The following TTN variants were observed in gnomAD, a reference collection of about 807,000 sequenced individuals.
The protein encoded by TTN is connectin.
Under a neutral mutation model 3,223.0 loss-of-function variants are expected in TTN, and 1,525 were observed. The observed-to-expected ratio is 0.47, with a 90% CI of 0.45 to 0.49. The LOEUF is 0.49. TTN is among the 20% of genes least tolerant of loss of function. TTN has a pLI of 0.00. For missense variants in TTN, 40,786 were observed against 43,424.0 expected (o/e 0.94, Z 5.40); for synonymous variants, 14,094 against 15,161.0 (o/e 0.93, Z 5.17).
rs73036398 is a variant in TTN at position 178,607,870 on chromosome 2, A to G, written c.52917T>C (p.Asp17639=). 7,293 of 1,612,964 alleles carry G rather than the reference A, an allele frequency of 4.5e-3. 227 individuals carry two copies. In the African/African-American group the frequency reaches 0.073, roughly 16 times the overall value. The change falls in exon 276 of 363, where the codon GAT becomes GAC. Residue 17639 remains aspartate, a synonymous_variant. Coordinates refer to ENST00000589042, the MANE Select transcript of TTN (RefSeq NM_001267550.2). ...YTVKEIREGA[D]YKLRVSAVNA... is the part of the protein sequence containing the mutation. ...TGACAGCACTCACCCGAAGTTTGTA[A>G]TCAGCACCCTCTCGGATTTCTTTGA...
rs770569025 is a variant in TTN, at chr2:178,584,299, T to A, written c.65252A>T (p.Tyr21751Phe). ...GSSPPSKPTEYVTARMPVDPP... is the reference protein window; with the variant it reads ...GSSPPSKPTEFVTARMPVDPP... The stretch of plus-strand genomic sequence containing the variant: ...ACCAACTGGCATTCTTGCAGTTACA[T>A]ATTCTGTGGGTTTGCTGGGTGGGCT... Residue 21751 changes from tyrosine to phenylalanine, a missense_variant, in exon 311 of 363, where the codon TAT becomes TTT. Transcript: ENST00000589042. The A allele has an allele frequency of 3.6e-5, 57 of 1,585,432 alleles. No homozygotes were observed. The highest frequency in any genetic ancestry group is 4.8e-5 in the Non-Finnish European group (56 of 1,163,240).
rs771954329 is a variant in TTN, at chr2:178,725,594, A to T, written c.20610T>A (p.Pro6870=). The change falls in exon 71 of 363, where the codon CCT becomes CCA. Residue 6870 remains proline, a synonymous_variant. Coordinates refer to ENST00000589042, the MANE Select transcript of TTN (RefSeq NM_001267550.2). The part of the protein sequence containing the change: ...LNSLTVVAGE[P]AELQASIEGA... ...CTTCTATGGATGCTTGTAATTCAGC[A>T]GGCTCTCCGGCTACAACAGTGAGGC... The T allele has an allele frequency of 2.5e-6, 4 of 1,611,242 alleles. No homozygotes were observed. Among genetic ancestry groups the T allele is most frequent in the Admixed American group, 3.3e-5 (2 of 59,792 alleles).
rs2057419029 is a variant in TTN at position 178,616,768 on chromosome 2, C to T, written c.48121G>A (p.Val16041Met). ...TCAATTTCCCCAGAAATTGTTTTCACACGGTTTTCTAATTTCAGTGTATAA... is the reference window on the plus strand; with the variant it reads ...TCAATTTCCCCAGAAATTGTTTTCATACGGTTTTCTAATTTCAGTGTATAA... ...GIYTLKLENR[V>M]KTISGEIDVN... is the part of the protein sequence containing the mutation. Residue 16041 changes from valine to methionine, a missense_variant, in exon 256 of 363, where the codon GTG becomes ATG. Physicochemically the swap from Val to Met is conservative, Grantham distance 21. Coordinates refer to ENST00000589042, the MANE Select transcript of TTN (RefSeq NM_001267550.2). The T allele has an allele frequency of 1.2e-6, 2 of 1,612,636 alleles. No homozygotes were observed. The highest frequency in any genetic ancestry group is 1.3e-5 in the African/African-American group (1 of 74,914).
intron 4 of TTN, among the ~76,000 whole-genome samples, 173 bp from the exon 5 acceptor site, chr2:178,800,083 G>A (rs2154358781): frequency 6.6e-6 from 1 of 152,216 alleles, no homozygotes. Context: ...AATAGAAAAT[G>A]TTCATTACAA....
chr2:178,608,646 T>G lies in TTN; in HGVS notation c.52365A>C (p.Pro17455=), dbSNP rs753886170. ...CCACAAGTGGCTTTGAAACACATGG[T>G]GGACCTGGCCCAAATCTGTTTTCAG... ...VRAENRFGPG[P]PCVSKPLVAK... The change falls in exon 274 of 363, where the codon CCA becomes CCC. Residue 17455 remains proline (P), a synonymous_variant. Coordinates refer to ENST00000589042, the MANE Select transcript of TTN (RefSeq NM_001267550.2). 6.2e-7 allele frequency: 1 copy of G among 1,611,882 alleles called. No homozygotes were observed. Among genetic ancestry groups the G allele is most frequent in the Admixed American group, 1.7e-5 (1 of 59,848 alleles).
Position 178,718,591 on chromosome 2 carries a change from G to C in TTN, c.24515C>G (p.Thr8172Ser). The C allele has an allele frequency of 2.5e-6, 4 of 1,611,966 alleles. No individual in the cohort carries two copies. The highest frequency in any genetic ancestry group is 3.4e-6 in the Non-Finnish European group (4 of 1,178,572). ...GAAATCAGCCAATCTTTTCACAAAG[G>C]TGGCTGGTTCTATAAGGAGAAAACA... ...TTHLFVKEPA[T>S]FVKRLADFSV... is the part of the protein sequence containing the mutation. The change falls in exon 85 of 363, where the codon ACC becomes AGC. Residue 8172 changes from threonine to serine, a missense_variant. Physicochemically the swap from Thr to Ser is moderately conservative, Grantham distance 58. Coordinates refer to ENST00000589042, the MANE Select transcript of TTN (RefSeq NM_001267550.2).
In TTN at chr2:178,531,534, T is replaced by C. The variant is rs2154133604; in HGVS notation, c.105081A>G (p.Ala35027=). Residue 35027 remains alanine (A), a synonymous_variant, in exon 358 of 363, where the codon GCA becomes GCG. Coordinates refer to ENST00000589042, the MANE Select transcript of TTN (RefSeq NM_001267550.2). ...TNYKGEASDY[A]TLDVTGGDYT... ...AATCCCCTCCTGTCACGTCCAACGT[T>C]GCATAGTCAGAAGCTTCGCCCTTGT... 1 of 1,613,932 alleles carries C rather than the reference T, an allele frequency of 6.2e-7. No individual in the cohort carries two copies. Among genetic ancestry groups the C allele is most frequent in the East Asian group, 2.2e-5 (1 of 44,876 alleles).
At chr2:178,650,379 T>C (rs1245347535) in intron 209 of TTN, 108 bp from the exon 210 acceptor site, 2 of 1,047,222 alleles carry the variant, frequency 1.9e-6, no homozygotes, top group Non-Finnish European at 1.4e-6. Flanking sequence ...TTGTTTCAAT[T>C]GATACCTTCT....
rs1222539429 is a variant in TTN, at chr2:178,712,751, T to C, written c.27274A>G (p.Ile9092Val). Residue 9092 changes from isoleucine to valine, a missense_variant, in exon 94 of 363, where the codon ATA (isoleucine) becomes GTA (valine). Coordinates refer to ENST00000589042, the MANE Select transcript of TTN (RefSeq NM_001267550.2). ...DTSQSGEYTC[I>V]VSNEAGKASC... is the part of the protein sequence containing the mutation. ...GCCTTGCCAGCTTCATTGCTAACTATGCAAGTATATTCTCCACTTTGTGAT... is the reference window on the plus strand; with the variant it reads ...GCCTTGCCAGCTTCATTGCTAACTACGCAAGTATATTCTCCACTTTGTGAT... The C allele has an allele frequency of 7.4e-6, 12 of 1,613,878 alleles. No homozygotes were observed. The highest frequency in any genetic ancestry group is 4.5e-5 in the East Asian group (2 of 44,866).
chr2:178,709,997 T>C lies in TTN; in HGVS notation c.28463-141A>G. On this transcript the variant is annotated intron_variant, in intron 98 of 362. Transcript: ENST00000589042. ...AATACACTATATCAGAATATGTTCC[T>C]AAACATTTCAGCCTCCTTCTACGAG... 7 of 851,402 alleles carry C rather than the reference T, an allele frequency of 8.2e-6. No homozygotes were observed. The South Asian group carries it at 1.2e-4, about 14-fold the overall frequency. The allele number at this position is 851,402 out of a possible 1,614,324, so 52.7% of individuals were successfully genotyped here.
rs2077774413 is a variant in TTN, at chr2:178,718,111, T to C, written c.24895A>G (p.Lys8299Glu). The C allele has an allele frequency of 6.2e-7, 1 of 1,612,320 alleles. No individual in the cohort carries two copies. Among genetic ancestry groups the C allele is most frequent in the Admixed American group, 1.7e-5 (1 of 59,998 alleles). ...GCTGATCGTAGCTTTGTGTGTTCTT[T>C]ATACCAAGAAATTCTAATTTCTGGA... is the stretch of plus-strand genomic sequence containing the variant. ...GTPEIRISWY[K>E]EHTKLRSAPA... Residue 8299 changes from lysine to glutamate, a missense_variant, in exon 86 of 363, where the codon AAA becomes GAA. Transcript: ENST00000589042.
chr2:178,751,981 T>A, intron 47 of TTN: 1 of 1,587,574 alleles, frequency 6.3e-7, no homozygotes, highest in Non-Finnish European at 8.5e-7. Flanking sequence ...CTTCAGAATC[T>A]GAAAAGGCGT....
chr2:178,729,243 C>T (rs377229570), intron 64 of TTN, 45 bp downstream of exon 64: 342 of 1,554,746 alleles, frequency 2.2e-4, no homozygotes, highest in Middle Eastern at 3.5e-4. Flanking sequence ...GATTTAAAAG[C>T]GTTACAGAAT....
Position 178,601,387 on chromosome 2 carries a change from G to A in TTN, c.55610C>T (p.Thr18537Ile), listed in dbSNP as rs1027035888. Residue 18537 changes from threonine to isoleucine, a missense_variant, in exon 287 of 363, where the codon ACA becomes ATA. Transcript: ENST00000589042. ...TKVNPDCGST[T>I]FVVPDLLSEQ... Reference sequence around the variant, plus strand: ...AGAGAGGAGATCAGGCACTACAAATGTGGTGCTTCCACAGTCTGGATTGAC... The same window carrying A: ...AGAGAGGAGATCAGGCACTACAAATATGGTGCTTCCACAGTCTGGATTGAC... 1 of 1,612,720 alleles carries A rather than the reference G, an allele frequency of 6.2e-7. No homozygotes were observed. The highest frequency in any genetic ancestry group is 1.3e-5 in the African/African-American group (1 of 74,958).
intron 249 of TTN, 40 bp from the exon 250 acceptor site, chr2:178,619,927 T>C (rs762935656): frequency 6.3e-6 from 10 of 1,598,848 alleles, no homozygotes; most frequent in Non-Finnish European, 8.5e-6. Context: ...TATGTTTACA[T>C]TTTGATTAAC....
At position 178,558,342 on chromosome 2, in the gene TTN, T is replaced by G. The variant is rs536794933; in HGVS notation, c.87117A>C (p.Leu29039=). The change falls in exon 327 of 363, where the codon CTA becomes CTC. Residue 29039 remains leucine (L), a splice_region_variant and synonymous_variant. Transcript: ENST00000589042. ...LLLPVLIKEQ[L]EPPEIDMKNF... ...GCTTCTACACAAAATTAGACATACCTAGTTGCTCCTTAATAAGAACAGGAA... is the reference window on the plus strand; with the variant it reads ...GCTTCTACACAAAATTAGACATACCGAGTTGCTCCTTAATAAGAACAGGAA... 6.2e-7 allele frequency: 1 copy of G among 1,610,328 alleles called. No individual in the cohort carries two copies. The highest frequency in any genetic ancestry group is 1.7e-5 in the Admixed American group (1 of 59,120).
rs143612797 is a variant in TTN, at chr2:178,622,123, T to A, written c.44914-115A>T. ...AAGCAACCAACAAGACTTCATAGTG[T>A]GAAGAAGAACCAAGGTGGCAGACAC... is the stretch of plus-strand genomic sequence containing the variant. On this transcript the variant is annotated intron_variant, in intron 243 of 362. Transcript: ENST00000589042. The A allele has an allele frequency of 1.2e-4, 119 of 994,300 alleles. No homozygotes were observed. In the East Asian group the frequency reaches 3.1e-3, roughly 26 times the overall value. The allele number at this position is 994,300 out of a possible 1,614,324, so 61.6% of individuals were successfully genotyped here.
At chr2:178,696,376 A>G (rs1172368190) in intron 113 of TTN, 107 bp from the exon 114 acceptor site, 1 of 985,858 alleles carries the variant, frequency 1.0e-6, no homozygotes, top group Non-Finnish European at 1.4e-6. Flanking sequence ...GATCTATTTT[A>G]TTGATAATTT....
rs183620684 is a variant in TTN at position 178,544,214 on chromosome 2, G to A, written c.96015C>T (p.Pro32005=). ...EYSESIAEIE[P]VERIEIPDLE... Reference sequence around the variant, plus strand: ...TGTGATAAATACCTATTCTTTCCACGGGCTCAATTTCAGCAATTGATTCGC... The same window carrying A: ...TGTGATAAATACCTATTCTTTCCACAGGCTCAATTTCAGCAATTGATTCGC... Residue 32005 remains proline, a synonymous_variant, in exon 345 of 363, where the codon CCC becomes CCT. Coordinates refer to ENST00000589042, the MANE Select transcript of TTN (RefSeq NM_001267550.2). 83 of 1,612,476 alleles carry A rather than the reference G, an allele frequency of 5.1e-5. No individual in the cohort carries two copies. In the African/African-American group the frequency reaches 6.5e-4, roughly 13 times the overall value.
Sources: gnomAD v4.1 joint callset for allele counts (sites outside exome capture counted in the v4.1 genomes callset) on GRCh38, gnomAD v4.1.1 for gene constraint, MANE v1.5 for transcripts, NCBI Gene and HGNC (gene_info 2026-07-23, HGNC 2026-07-21) for gene names.